The following C4orf51 variants were observed in gnomAD, a reference collection of about 807,000 sequenced individuals.
The protein encoded by C4orf51 is chromosome 4 open reading frame 51.
In C4orf51, 25 loss-of-function variants were observed where a neutral mutation model predicts 25.2. That is an observed-to-expected ratio of 0.99 (90% CI 0.72 to 1.39). The LOEUF is 1.39. Ranked by LOEUF, C4orf51 falls within the 40% of genes most tolerant of loss-of-function variation. C4orf51 has a pLI of 0.00. For missense variants in C4orf51, 252 were observed against 239.6 expected, an observed-to-expected ratio of 1.05 and a Z score of -0.34; for synonymous variants, 100 against 84.5, an observed-to-expected ratio of 1.18 and a Z score of -1.01.
chr4:145,692,389 T>C (rs1015888312), intron 1 of C4orf51, among the ~76,000 whole-genome samples: 4 of 152,118 alleles, frequency 2.6e-5, no homozygotes, highest in African/African-American at 7.2e-5. Context: ...AGTGACAAAA[T>C]GTATTAAGAG....
At chr4:145,764,367 T>C (rs1734962612) in intron 1 of C4orf51, among the ~76,000 whole-genome samples, 1 of 152,208 alleles carries the variant, frequency 6.6e-6, no homozygotes, top group South Asian at 2.1e-4. Flanking sequence ...AGACACACAG[T>C]ACGTTTGATA....
chr4:145,736,989 C>T (rs762772110), downstream of C4orf51, among the ~76,000 whole-genome samples: 3 of 152,096 alleles, frequency 2.0e-5, no homozygotes, highest in Non-Finnish European at 4.4e-5. Flanking sequence ...GTCTGAACTT[C>T]TCGTGAGTCC....
chr4:145,788,923 T>C, the C4orf51 span, among the ~76,000 whole-genome samples: 1 of 152,364 alleles, frequency 6.6e-6, no homozygotes, highest in Non-Finnish European at 1.5e-5. Flanking sequence ...AACAGAACTA[T>C]GTGGGTTTTT....
At chr4:145,754,970 T>C (rs189802708), downstream of C4orf51, among the ~76,000 whole-genome samples, 518 of 152,190 alleles carry the variant, frequency 3.4e-3, 1 homozygote, top group African/African-American at 0.012. Flanking sequence ...ACTTTAGATC[T>C]CCCAACCTTT....
intron 1 of C4orf51, among the ~76,000 whole-genome samples, chr4:145,770,690 T>C (rs1352303442): frequency 6.6e-6 from 1 of 152,170 alleles, no homozygotes; most frequent in African/African-American, 2.4e-5. Flanking sequence ...TTGAAAATAT[T>C]TGCATTGTTT....
chr4:145,711,633 T>C (rs1731136789), intron 2 of C4orf51, among the ~76,000 whole-genome samples: 2 of 152,272 alleles, frequency 1.3e-5, no homozygotes, highest in African/African-American at 4.8e-5. Flanking sequence ...TCTCCTCTGA[T>C]TGGGTAGTTT....
At chr4:145,720,508 C>T (rs911182935) in intron 2 of C4orf51, among the ~76,000 whole-genome samples, 8 of 152,184 alleles carry the variant, frequency 5.3e-5, no homozygotes, top group South Asian at 2.1e-4. Flanking sequence ...TTCCACCTGT[C>T]GGCTGAGCTG....
chr4:145,712,005 T>A (rs1214827921), intron 2 of C4orf51, among the ~76,000 whole-genome samples: 1 of 152,232 alleles, frequency 6.6e-6, no homozygotes. Flanking sequence ...GTTATGGTAA[T>A]CTGCAATTAG....
At chr4:145,702,733 T>A (rs1730535868) in intron 2 of C4orf51, among the ~76,000 whole-genome samples, 1 of 152,196 alleles carries the variant, frequency 6.6e-6, no homozygotes, top group African/African-American at 2.4e-5. Flanking sequence ...GTCCTCCCAA[T>A]TCTTAGACCT....
intron 1 of C4orf51, among the ~76,000 whole-genome samples, chr4:145,743,077 GGA>G (rs1733187583): frequency 6.6e-6 from 1 of 152,186 alleles, no homozygotes; most frequent in Non-Finnish European, 1.5e-5. Flanking sequence ...GTAAGTTGGA[GGA>G]TAGGTGTGCC....
At chr4:145,708,558 T>C (rs1463772297) in intron 2 of C4orf51, among the ~76,000 whole-genome samples, 1 of 152,248 alleles carries the variant, frequency 6.6e-6, no homozygotes, top group Non-Finnish European at 1.5e-5. Flanking sequence ...TCTTCCCATG[T>C]ACCCTTCACC....
At chr4:145,782,251 T>C in the C4orf51 span, among the ~76,000 whole-genome samples, 1 of 152,120 alleles carries the variant, frequency 6.6e-6, no homozygotes, top group Non-Finnish European at 1.5e-5. Context: ...GAACATGACC[T>C]CGAAATCACG....
At chr4:145,706,887 C>G (rs1560836051) in intron 2 of C4orf51, among the ~76,000 whole-genome samples, 1 of 151,048 alleles carries the variant, frequency 6.6e-6, no homozygotes, top group South Asian at 2.1e-4. Context: ...TCTTGGCTCA[C>G]TGCAACCTCC....
intron 2 of C4orf51, among the ~76,000 whole-genome samples, chr4:145,707,242 A>G (rs900853788): frequency 1.5e-4 from 23 of 152,196 alleles, no homozygotes; most frequent in African/African-American, 5.3e-4. Context: ...CCAGGCCCAT[A>G]TAAGATACTT....
chr4:145,778,915 G>T, the C4orf51 span, among the ~76,000 whole-genome samples: 1 of 151,762 alleles, frequency 6.6e-6, no homozygotes. Flanking sequence ...TGTTAACTTG[G>T]TTGCCTTCCC....
downstream of C4orf51, chr4:145,775,836 G>A (rs753581272): frequency 5.0e-6 from 8 of 1,614,168 alleles, no homozygotes; most frequent in South Asian, 1.1e-5. Context: ...CAGAGGTGAC[G>A]GCGCTGACAA....
At chr4:145,747,287 A>G (rs1733419816) in intron 1 of C4orf51, among the ~76,000 whole-genome samples, 1 of 152,078 alleles carries the variant, frequency 6.6e-6, no homozygotes, top group South Asian at 2.1e-4. Context: ...CTTAGAGGAA[A>G]AGCTTTCAGT....
intron 5 of C4orf51, among the ~76,000 whole-genome samples, chr4:145,731,870 C>T (rs1732502938): frequency 6.6e-6 from 1 of 152,052 alleles, no homozygotes; most frequent in Non-Finnish European, 1.5e-5. Flanking sequence ...GCGTGAGCCA[C>T]CATGCCCGGC....
At chr4:145,770,578 T>C (rs926881877) in intron 1 of C4orf51, among the ~76,000 whole-genome samples, 10 of 151,536 alleles carry the variant, frequency 6.6e-5, no homozygotes, top group Non-Finnish European at 1.2e-4. Flanking sequence ...ATTATTCTAT[T>C]ATAAAACATA....
Sources: gnomAD v4.1 joint callset for allele counts (sites outside exome capture counted in the v4.1 genomes callset) on GRCh38, gnomAD v4.1.1 for gene constraint, MANE v1.5 for transcripts, NCBI Gene and HGNC (gene_info 2026-07-23, HGNC 2026-07-21) for gene names.